The following KASH5 variants were observed in gnomAD, a reference collection of about 807,000 sequenced individuals.
KASH5 encodes protein KASH5.
KASH5 carries 72 observed loss-of-function variants against 84.2 expected under a neutral mutation model. The ratio of observed to expected loss-of-function variants is 0.85; its 90% confidence interval spans 0.71 to 1.04. KASH5 has a LOEUF of 1.04. Among genes scored for constraint, KASH5 ranks in the 50% least tolerant of loss-of-function variants. The pLI, the probability that KASH5 is intolerant of heterozygous loss-of-function variation, is 0.00. For synonymous variants in KASH5, 260 were observed against 279.1 expected, an observed-to-expected ratio of 0.93 and a Z score of 0.68; for missense variants, 650 against 701.0, an observed-to-expected ratio of 0.93 and a Z score of 0.82.
chr19:49,394,742 A>T, intron 3 of KASH5, 162 bp downstream of exon 3: 1 of 617,286 alleles, frequency 1.6e-6, no homozygotes, highest in Non-Finnish European at 2.9e-6. Flanking sequence ...AAGAACGTGG[A>T]TAATGGGGTG....
intron 15 of KASH5, among the ~76,000 whole-genome samples, chr19:49,410,077 C>T (rs555452905): frequency 5.3e-4 from 81 of 152,306 alleles, no homozygotes; most frequent in Non-Finnish European, 5.7e-4. Context: ...GACCTGCCAG[C>T]GTTGTAGACA....
intron 7 of KASH5, among the ~76,000 whole-genome samples, chr19:49,398,669 T>C: frequency 7.0e-6 from 1 of 143,354 alleles, no homozygotes; most frequent in Admixed American, 6.9e-5. Flanking sequence ...GCACCCAGCC[T>C]AGATTTCTCT....
Position 49,395,929 on chromosome 19 carries a change from C to G in KASH5, c.400+96C>G. On this transcript the variant is annotated intron_variant, in intron 5 of 19. Transcript: ENST00000447857. This position sits in a 1 kb window ranked among gnomAD's most constrained non-coding sequence, Gnocchi z 4.4. ...GCAGAGCAAGGGATAGGGTAGGAACCAGGGACCTTTACTGTAGACTAGAGC... is the reference window on the plus strand; with the variant it reads ...GCAGAGCAAGGGATAGGGTAGGAACGAGGGACCTTTACTGTAGACTAGAGC... The G allele has an allele frequency of 2.0e-6, 2 of 1,014,612 alleles. No homozygotes were observed. The allele number at this position is 1,014,612 out of a possible 1,614,324, so 62.9% of individuals were successfully genotyped here. A position where few individuals can be genotyped will look rare whatever the true frequency, so the allele number is the denominator to read the frequency against.
intron 9 of KASH5, among the ~76,000 whole-genome samples, chr19:49,401,647 G>A (rs1171458070): frequency 6.6e-6 from 1 of 152,152 alleles, no homozygotes; most frequent in African/African-American, 2.4e-5. Context: ...CTAGCCCTGG[G>A]TTAGGGGAAA....
At chr19:49,398,980 C>A in intron 7 of KASH5, 45 bp from the exon 8 acceptor site, 1 of 1,420,200 alleles carries the variant, frequency 7.0e-7, no homozygotes, top group Non-Finnish European at 9.7e-7. Flanking sequence ...TGCTTCTCTG[C>A]CTTCCTCCCT....
Position 49,417,100 on chromosome 19 carries a change from C to CA in KASH5, c.1439+22dup, listed in dbSNP as rs1568626935. The CA allele has an allele frequency of 6.2e-7, 1 of 1,605,204 alleles. No homozygotes were observed. Among genetic ancestry groups the CA allele is most frequent in the South Asian group, 1.1e-5 (1 of 89,384 alleles). ...GAGAGGTAATAGGACCCACAGGGTC[C>CA]AGGAGGGACACTGGGGCAAGGAAAA... On this transcript the variant is annotated intron_variant, in intron 18 of 19. Coordinates refer to ENST00000447857, the MANE Select transcript of KASH5 (RefSeq NM_144688.5). This position sits in a 1 kb window ranked among gnomAD's most constrained non-coding sequence, Gnocchi z 5.2.
chr19:49,413,131 A>ATTCT, intron 16 of KASH5, 105 bp downstream of exon 16: 1 of 1,135,390 alleles, frequency 8.8e-7, no homozygotes, highest in South Asian at 1.3e-5. Context: ...TCATTCATTC[A>ATTCT]CTCCTTCTTC....
intron 5 of KASH5, among the ~76,000 whole-genome samples, chr19:49,397,333 C>T (rs1037715767): frequency 6.6e-6 from 1 of 151,898 alleles, no homozygotes; most frequent in Non-Finnish European, 1.5e-5. Flanking sequence ...CTGGGGGTGA[C>T]AGGGAGCAAG....
chr19:49,410,966 C>G (rs1974692195), intron 15 of KASH5, among the ~76,000 whole-genome samples: 1 of 149,864 alleles, frequency 6.7e-6, no homozygotes, highest in Admixed American at 6.7e-5. Flanking sequence ...CGGTCTCACT[C>G]GCTTCTCTGT....
At chr19:49,405,529 A>G (rs1974497280) in intron 9 of KASH5, among the ~76,000 whole-genome samples, 1 of 152,046 alleles carries the variant, frequency 6.6e-6, no homozygotes, top group Non-Finnish European at 1.5e-5. Flanking sequence ...GTTATTGTTA[A>G]TTTTGTTAAG....
intron 12 of KASH5, among the ~76,000 whole-genome samples, chr19:49,408,558 C>T (rs1319866459): frequency 6.6e-6 from 1 of 152,084 alleles, no homozygotes. Context: ...AAGCGATTCT[C>T]CTGCCTCAGC....
At position 49,395,683 on chromosome 19, in the gene KASH5, C is replaced by A; in HGVS notation, c.336-86C>A. ...AGCTCTCACCTGACCCGGTCCCCTC[C>A]TCCCACCTGCAATCCCCCTGCCTGT... On this transcript the variant is annotated intron_variant, in intron 4 of 19. Transcript: ENST00000447857. This position sits in a 1 kb window ranked among gnomAD's most constrained non-coding sequence, Gnocchi z 4.4. 1 of 1,387,082 alleles carries A rather than the reference C, an allele frequency of 7.2e-7. No homozygotes were observed. The highest frequency in any genetic ancestry group is 1.0e-6 in the Non-Finnish European group (1 of 1,002,194). 85.9% of individuals were successfully genotyped at this position (1,387,082 alleles called of 1,614,324 possible). A position where few individuals can be genotyped will look rare whatever the true frequency, so the allele number is the denominator to read the frequency against.
intron 17 of KASH5, chr19:49,415,688 T>C: frequency 6.3e-6 from 1 of 159,014 alleles, no homozygotes; most frequent in Non-Finnish European, 1.4e-5. Context: ...TTCAACATAC[T>C]ACACTCCCTT....
At chr19:49,408,850 C>A (rs1023203676) in intron 12 of KASH5, 117 bp from the exon 13 acceptor site, 14 of 989,526 alleles carry the variant, frequency 1.4e-5, no homozygotes, top group Non-Finnish European at 2.1e-5. Context: ...CAGTATGTGT[C>A]TGGGGAGCCC....
intron 9 of KASH5, among the ~76,000 whole-genome samples, chr19:49,405,728 A>T (rs577113531): frequency 6.6e-6 from 1 of 151,836 alleles, no homozygotes; most frequent in East Asian, 2.0e-4. Context: ...AGGTGGAGGC[A>T]GGTGGATCGC....
In KASH5 at chr19:49,395,778, G is replaced by A; in HGVS notation, c.345G>A (p.Glu115=). ...CATCCCTTTGATACAGGGGATTAGAGCTGGAAGAGGAGACCGCCTTCCAGG... is the reference window on the plus strand; with the variant it reads ...CATCCCTTTGATACAGGGGATTAGAACTGGAAGAGGAGACCGCCTTCCAGG... ...IAACQLHGGL[E]LEEETAFQGA... is the part of the protein sequence containing the mutation. The change falls in exon 5 of 20, where the codon GAG becomes GAA. Residue 115 remains glutamate, a synonymous_variant. Transcript: ENST00000447857. This position sits in a 1 kb window ranked among gnomAD's most constrained non-coding sequence, Gnocchi z 4.4. 6 of 1,561,042 alleles carry A rather than the reference G, an allele frequency of 3.8e-6. No homozygotes were observed. Among genetic ancestry groups the A allele is most frequent in the Non-Finnish European group, 5.2e-6 (6 of 1,152,700 alleles).
At chr19:49,407,735 C>T in intron 12 of KASH5, 64 bp downstream of exon 12, 1 of 1,492,562 alleles carries the variant, frequency 6.7e-7, no homozygotes, top group Non-Finnish European at 9.2e-7. Flanking sequence ...ATCTCTGGGA[C>T]TTGCTGCCTC....
Position 49,414,530 on chromosome 19 carries a change from C to T in KASH5, c.1329-421C>T, listed in dbSNP as rs939927105. Among the ~76,000 whole-genome samples, 1 of 152,096 alleles carries T rather than the reference C, an allele frequency of 6.6e-6. No individual in the cohort carries two copies. Among genetic ancestry groups the T allele is most frequent in the African/African-American group, 2.4e-5 (1 of 41,410 alleles). On this transcript the variant is annotated intron_variant, in intron 16 of 19. Coordinates refer to ENST00000447857, the MANE Select transcript of KASH5 (RefSeq NM_144688.5). The surrounding 1 kb of genome is among the most constrained non-coding windows in gnomAD (Gnocchi z 4.5). ...TGGAGGGTGAGAGAGCCAGAAGCCT[C>T]AGTTCCCAGCTGGGGGATCTGCTGG... is the stretch of plus-strand genomic sequence containing the variant.
intron 9 of KASH5, among the ~76,000 whole-genome samples, chr19:49,404,936 G>T (rs1974476555): frequency 6.6e-6 from 1 of 152,062 alleles, no homozygotes; most frequent in South Asian, 2.1e-4. Flanking sequence ...TAACCACAGG[G>T]AACAAGAGCG....
Sources: allele counts gnomAD v4.1 joint callset (sites outside exome capture counted in the v4.1 genomes callset), GRCh38; gene constraint gnomAD v4.1.1; non-coding constraint Gnocchi (gnomAD v3.1); transcripts MANE v1.5; gene names NCBI Gene and HGNC (gene_info 2026-07-23, HGNC 2026-07-21).